The following PDE4B variants were observed in gnomAD, a reference collection of about 807,000 sequenced individuals.
PDE4B encodes phosphodiesterase 4B, also known as 3',5'-cyclic-AMP phosphodiesterase 4B.
Under a neutral mutation model 82.2 loss-of-function variants are expected in PDE4B, and 20 were observed. That is an observed-to-expected ratio of 0.24 (90% CI 0.17 to 0.35). PDE4B has a LOEUF of 0.35. PDE4B is among the 10% of genes least tolerant of loss of function. PDE4B has a pLI of 1.00. For missense variants in PDE4B, 655 were observed against 907.2 expected (o/e 0.72, Z 3.57); for synonymous variants, 320 against 318.9 (o/e 1.00, Z -0.04).
intron 7 of PDE4B, among the ~76,000 whole-genome samples, chr1:66,304,395 T>C (rs907054404): frequency 6.6e-6 from 1 of 152,136 alleles, no homozygotes; most frequent in Non-Finnish European, 1.5e-5. Context: ...CACCTATCAA[T>C]TCCCATTTTT....
chr1:66,333,093 A>G (rs1224399342), intron 8 of PDE4B, among the ~76,000 whole-genome samples: 1 of 152,206 alleles, frequency 6.6e-6, no homozygotes, highest in Non-Finnish European at 1.5e-5. Context: ...AATTCCCTCT[A>G]AAAAGAAGGA....
intron 3 of PDE4B, among the ~76,000 whole-genome samples, chr1:66,101,063 T>C (rs1177995605): frequency 6.6e-6 from 1 of 152,112 alleles, no homozygotes; most frequent in Non-Finnish European, 1.5e-5. Flanking sequence ...TTTCCACCTA[T>C]GAGTGAGAAC....
At chr1:66,055,862 C>G (rs1318538108) in intron 3 of PDE4B, among the ~76,000 whole-genome samples, 1 of 152,048 alleles carries the variant, frequency 6.6e-6, no homozygotes, top group Non-Finnish European at 1.5e-5. Context: ...TTGAGGTAGA[C>G]AGAGGGTTTG....
intron 3 of PDE4B, among the ~76,000 whole-genome samples, chr1:66,023,589 A>C (rs1474900686): frequency 6.6e-6 from 1 of 152,162 alleles, no homozygotes; most frequent in Non-Finnish European, 1.5e-5. Context: ...ATTCAGGTGG[A>C]AGAGGGAATT....
intron 7 of PDE4B, among the ~76,000 whole-genome samples, chr1:66,281,391 T>A (rs1656290273): frequency 6.6e-6 from 1 of 152,012 alleles, no homozygotes; most frequent in Admixed American, 6.6e-5. Context: ...ATAGGAGAGG[T>A]TTTTGCCTCA....
chr1:66,250,117 C>T (rs751174205), intron 4 of PDE4B, among the ~76,000 whole-genome samples: 1 of 152,158 alleles, frequency 6.6e-6, no homozygotes, highest in Non-Finnish European at 1.5e-5. Context: ...TAAAGTAATG[C>T]TCTTAAAGCT....
Position 66,303,486 on chromosome 1 carries a change from A to G in PDE4B, c.635-29022A>G, listed in dbSNP as rs181532576. Reference sequence around the variant, plus strand: ...TACTCTCTCAGCAATTTTCAAGCATACAATACCTTATTGTTAGCTAAAGTC... The same window carrying G: ...TACTCTCTCAGCAATTTTCAAGCATGCAATACCTTATTGTTAGCTAAAGTC... On this transcript the variant is annotated intron_variant, in intron 7 of 16. Coordinates refer to ENST00000341517, the MANE Select transcript of PDE4B (RefSeq NM_002600.4). Among the ~76,000 whole-genome samples, 319 of 152,110 alleles carry G rather than the reference A, an allele frequency of 2.1e-3. 2 individuals are homozygous for G. The highest frequency in any genetic ancestry group is 3.7e-3 in the Non-Finnish European group (254 of 67,986).
chr1:66,070,670 G>T (rs1656107580), intron 3 of PDE4B, among the ~76,000 whole-genome samples: 1 of 152,032 alleles, frequency 6.6e-6, no homozygotes, highest in South Asian at 2.1e-4. Flanking sequence ...TAGGAAGCAG[G>T]AAAGGAAAGA....
At chr1:65,863,616 C>T (rs1192990712) in intron 1 of PDE4B, among the ~76,000 whole-genome samples, 1 of 152,044 alleles carries the variant, frequency 6.6e-6, no homozygotes, top group Non-Finnish European at 1.5e-5. Context: ...TTAAAGTCTC[C>T]CACTATTATT....
At chr1:65,998,460 T>C (rs1302156425) in intron 3 of PDE4B, among the ~76,000 whole-genome samples, 1 of 151,974 alleles carries the variant, frequency 6.6e-6, no homozygotes, top group African/African-American at 2.4e-5. Flanking sequence ...TGCCATGTAT[T>C]ATTTTTATTT....
Position 65,918,843 on chromosome 1 carries a change from G to A in PDE4B, c.281+8G>A, listed in dbSNP as rs1488228257. On this transcript the variant is annotated splice_region_variant and intron_variant, in intron 3 of 16. Transcript: ENST00000341517. ...AACTGTAAGCCAGGAGTGGTGAGTA[G>A]CCTCAAAATCAAATGTCAATTCTAA... 6.7e-7 allele frequency: 1 copy of A among 1,486,452 alleles called. No homozygotes were observed. Among genetic ancestry groups the A allele is most frequent in the Non-Finnish European group, 9.4e-7 (1 of 1,063,940 alleles). 92.1% of individuals were successfully genotyped at this position (1,486,452 alleles called of 1,614,324 possible). A position where few individuals can be genotyped will look rare whatever the true frequency, so the allele number is the denominator to read the frequency against.
chr1:66,189,869 G>A (rs995501845), intron 3 of PDE4B, among the ~76,000 whole-genome samples: 1 of 152,104 alleles, frequency 6.6e-6, no homozygotes, highest in Non-Finnish European at 1.5e-5. Context: ...TTGTTCCATT[G>A]CTGGTGAGGA....
At chr1:65,880,667 C>T (rs1223557635) in intron 1 of PDE4B, among the ~76,000 whole-genome samples, 5 of 151,934 alleles carry the variant, frequency 3.3e-5, no homozygotes, top group East Asian at 1.9e-4. Flanking sequence ...CAGCAGACAC[C>T]GGATCTACCA....
chr1:66,027,112 G>T (rs1570018941), intron 3 of PDE4B, among the ~76,000 whole-genome samples: 1 of 152,106 alleles, frequency 6.6e-6, no homozygotes, highest in Non-Finnish European at 1.5e-5. Flanking sequence ...AAAAATATGT[G>T]TATTAATCTG....
At chr1:66,036,455 C>A (rs1237025384) in intron 3 of PDE4B, among the ~76,000 whole-genome samples, 3 of 152,148 alleles carry the variant, frequency 2.0e-5, no homozygotes, top group Non-Finnish European at 4.4e-5. Flanking sequence ...AGTTTCCAGT[C>A]TTATGTTTAA....
chr1:66,079,601 G>T lies in PDE4B; in HGVS notation c.281+160766G>T, dbSNP rs181202542. Among the ~76,000 whole-genome samples, 6 of 152,226 alleles carry T rather than the reference G, an allele frequency of 3.9e-5. No homozygotes were observed. In the East Asian group the frequency reaches 1.2e-3, roughly 29 times the overall value. ...CCACAAACTGATTAGAGAATAGAAAGAGTTATTTAGAGAAAAGATTAAAGG... is the reference window on the plus strand; with the variant it reads ...CCACAAACTGATTAGAGAATAGAAATAGTTATTTAGAGAAAAGATTAAAGG... On this transcript the variant is annotated intron_variant, in intron 3 of 16. Coordinates refer to ENST00000341517, the MANE Select transcript of PDE4B (RefSeq NM_002600.4).
At chr1:66,185,028 C>T (rs1202736801) in intron 3 of PDE4B, among the ~76,000 whole-genome samples, 2 of 152,010 alleles carry the variant, frequency 1.3e-5, no homozygotes, top group African/African-American at 4.8e-5. Flanking sequence ...TGTGATGTTC[C>T]CCTTCCTGTG....
chr1:66,266,257 T>A (rs1655030363), intron 7 of PDE4B, 170 bp downstream of exon 7: 2 of 638,782 alleles, frequency 3.1e-6, no homozygotes, highest in African/African-American at 3.6e-5. Flanking sequence ...CTTCACTCTA[T>A]TAAAACCACA....
At chr1:66,281,848 A>T (rs1264694795) in intron 7 of PDE4B, among the ~76,000 whole-genome samples, 1 of 152,202 alleles carries the variant, frequency 6.6e-6, no homozygotes, top group Non-Finnish European at 1.5e-5. Flanking sequence ...CAATAAAACT[A>T]TGCCTCCATG....
Sources: allele counts gnomAD v4.1 joint callset (sites outside exome capture counted in the v4.1 genomes callset), GRCh38; gene constraint gnomAD v4.1.1; transcripts MANE v1.5; gene names NCBI Gene and HGNC (gene_info 2026-07-23, HGNC 2026-07-21).